Variants in RUNX1 observed in about 807,000 individuals in gnomAD.
RUNX1 encodes RUNX family transcription factor 1, also known as runt-related transcription factor 1.
In RUNX1, 19 loss-of-function variants were observed where a neutral mutation model predicts 42.8. The ratio of observed to expected loss-of-function variants is 0.44; its 90% CI spans 0.31 to 0.65. The LOEUF is 0.65. RUNX1 is among the 30% of genes least tolerant of loss of function. The pLI is 0.07. For synonymous variants in RUNX1, 271 were observed against 289.4 expected (o/e 0.94, Z 0.64); for missense variants, 528 against 672.0 (o/e 0.79, Z 2.37).
At chr21:34,859,426 G>A (rs751313497) in intron 6 of RUNX1, 48 bp downstream of exon 6, 1 of 1,293,158 alleles carries the variant, frequency 7.7e-7, no homozygotes, top group South Asian at 1.2e-5. Context: ...CCAGCCTGGA[G>A]GGTGTACCAG....
intron 5 of RUNX1, among the ~76,000 whole-genome samples, chr21:34,872,376 C>T (rs935582283): frequency 1.3e-5 from 2 of 152,134 alleles, no homozygotes; most frequent in Non-Finnish European, 2.9e-5. Context: ...TGTACCACCC[C>T]CACCTGCAGC....
chr21:34,860,961 G>C (rs2057565938), intron 5 of RUNX1, among the ~76,000 whole-genome samples: 1 of 152,246 alleles, frequency 6.6e-6, no homozygotes, highest in Admixed American at 6.5e-5. Flanking sequence ...GTAACAATTA[G>C]ATGATGAAGG....
At chr21:34,964,800 A>G (rs2834699) in intron 2 of RUNX1, among the ~76,000 whole-genome samples, 71,604 of 152,116 alleles carry the variant, frequency 0.47, 17,068 homozygotes, top group Admixed American at 0.54. Flanking sequence ...CATTGAATGC[A>G]AAATACCTAT....
At chr21:34,993,786 C>T (rs1390630326) in intron 2 of RUNX1, among the ~76,000 whole-genome samples, 3 of 137,946 alleles carry the variant, frequency 2.2e-5, no homozygotes, top group African/African-American at 1.0e-4. Context: ...CAGACACACA[C>T]ACACAGACAC....
chr21:34,993,719 GCACACACA>G (rs772316421), intron 2 of RUNX1, among the ~76,000 whole-genome samples: 1 of 23,696 alleles, frequency 4.2e-5, no homozygotes, highest in Non-Finnish European at 8.1e-5. Context: ...ACACACACAG[GCACACACA>G]CACAGACACA....
At chr21:35,033,475 G>A (rs559777395) in intron 2 of RUNX1, among the ~76,000 whole-genome samples, 2 of 152,318 alleles carry the variant, frequency 1.3e-5, no homozygotes, top group Admixed American at 6.5e-5. Flanking sequence ...TGTCTGTGAT[G>A]GGGATGTGGG....
chr21:34,890,788 G>GCGCC (rs1005152997), intron 3 of RUNX1, among the ~76,000 whole-genome samples: 18 of 128,380 alleles, frequency 1.4e-4, no homozygotes, highest in African/African-American at 1.8e-4. Flanking sequence ...TGCATCGCGC[G>GCGCC]CGCCCGCCCG....
At chr21:34,903,998 A>G (rs1250281316) in intron 2 of RUNX1, among the ~76,000 whole-genome samples, 1 of 152,198 alleles carries the variant, frequency 6.6e-6, no homozygotes, top group Non-Finnish European at 1.5e-5. Context: ...TTCAGGTTAC[A>G]TTATTACTAT....
chr21:34,998,233 G>A (rs1323785941), intron 2 of RUNX1, among the ~76,000 whole-genome samples: 2 of 152,168 alleles, frequency 1.3e-5, no homozygotes, highest in Admixed American at 6.5e-5. Flanking sequence ...AGGGGATGAA[G>A]AGGAAAAGCA....
intron 2 of RUNX1, among the ~76,000 whole-genome samples, chr21:35,020,939 A>G (rs2059193816): frequency 6.6e-6 from 1 of 152,198 alleles, no homozygotes; most frequent in Non-Finnish European, 1.5e-5. Context: ...GTCCCCACAA[A>G]GAATCTGGGG....
chr21:34,828,132 G>A lies in RUNX1; in HGVS notation c.805+6278C>T, dbSNP rs901065204. Among the ~76,000 whole-genome samples, 13 of 152,230 alleles carry A rather than the reference G, an allele frequency of 8.5e-5. No individual in the cohort carries two copies. In the East Asian group the frequency reaches 2.5e-3, roughly 29 times the overall value. ...AGTTTGGGCTGAGCCCAGCAAAACT[G>A]TAGGGGCAGGGCTGCCCAAGGCCTT... On this transcript the variant is annotated intron_variant, in intron 7 of 8. Coordinates refer to ENST00000675419, the MANE Select transcript of RUNX1 (RefSeq NM_001754.5).
chr21:35,034,823 C>T (rs1027218757), intron 2 of RUNX1, among the ~76,000 whole-genome samples: 1 of 152,174 alleles, frequency 6.6e-6, no homozygotes, highest in Non-Finnish European at 1.5e-5. Flanking sequence ...GCTGAGTAAT[C>T]CCAGCCACTA....
rs1491281188 is a variant in RUNX1, at chr21:34,948,099, TTG to T, written c.59-55138_59-55137del. Among the ~76,000 whole-genome samples the T allele has an allele frequency of 2.3e-3, 332 of 146,486 alleles. 2 individuals are homozygous for T. Among genetic ancestry groups the T allele is most frequent in the African/African-American group, 8.9e-3 (320 of 36,058 alleles). On this transcript the variant is annotated intron_variant, in intron 2 of 8. Coordinates refer to ENST00000675419, the MANE Select transcript of RUNX1 (RefSeq NM_001754.5). Reference sequence around the variant, plus strand: ...ATTCAAAAGAAATCTTTTTTTTTTTTTGGGGGGGGGTTTCACTTTTGAAATGA... The same window carrying T: ...ATTCAAAAGAAATCTTTTTTTTTTTTGGGGGGGGTTTCACTTTTGAAATGA...
intron 5 of RUNX1, among the ~76,000 whole-genome samples, chr21:34,870,125 A>G (rs889369379): frequency 6.6e-6 from 1 of 152,166 alleles, no homozygotes; most frequent in Non-Finnish European, 1.5e-5. Context: ...TGAAATAAGG[A>G]TAAGGATTGT....
chr21:34,885,956 G>A (rs1391870003), intron 4 of RUNX1, among the ~76,000 whole-genome samples: 1 of 152,200 alleles, frequency 6.6e-6, no homozygotes, highest in Non-Finnish European at 1.5e-5. Context: ...GCCTGGGGTT[G>A]TTTTCATACC....
intron 2 of RUNX1, among the ~76,000 whole-genome samples, chr21:34,903,636 G>A (rs2058194789): frequency 6.6e-6 from 1 of 152,170 alleles, no homozygotes; most frequent in East Asian, 1.9e-4. Context: ...AGGAAGTGCT[G>A]AGATATCTAC....
rs1309284368 is a variant in RUNX1 at position 34,888,346 on chromosome 21, T to A, written c.98-1250A>T. On this transcript the variant is annotated intron_variant, in intron 3 of 8. Coordinates refer to ENST00000675419, the MANE Select transcript of RUNX1 (RefSeq NM_001754.5). ...CGCACGCACATCCTGCCACGCACAC[T>A]GCCACGCACACGCAACTTCACGGCT... is the stretch of plus-strand genomic sequence containing the variant. The A allele has an allele frequency of 5.6e-6, 6 of 1,062,596 alleles. No individual in the cohort carries two copies. The African/African-American group carries it at 6.6e-5, about 12-fold the overall frequency. 65.8% of individuals were successfully genotyped at this position (1,062,596 alleles called of 1,614,324 possible). A position where few individuals can be genotyped will look rare whatever the true frequency, so the allele number is the denominator to read the frequency against.
At chr21:34,809,663 A>G (rs560712651) in intron 7 of RUNX1, among the ~76,000 whole-genome samples, 10 of 152,222 alleles carry the variant, frequency 6.6e-5, no homozygotes, top group Admixed American at 1.3e-4. Context: ...TTTACAGCCA[A>G]TCTCCACTGT....
chr21:35,002,321 C>T (rs1268395443), intron 2 of RUNX1, among the ~76,000 whole-genome samples: 1 of 151,894 alleles, frequency 6.6e-6, no homozygotes, highest in African/African-American at 2.4e-5. Context: ...GCACCCCCAG[C>T]TGCCCCTTAT....
Sources: gnomAD v4.1 joint callset for allele counts (sites outside exome capture counted in the v4.1 genomes callset) on GRCh38, gnomAD v4.1.1 for gene constraint, MANE v1.5 for transcripts, NCBI Gene and HGNC (gene_info 2026-07-23, HGNC 2026-07-21) for gene names.